WDR27: variants seen among roughly 807,000 people sequenced by gnomAD.
The protein encoded by WDR27 is WD repeat domain 27.
WDR27 carries 100 observed loss-of-function variants against 114.4 expected under a neutral mutation model. The ratio of observed to expected loss-of-function variants is 0.87; its 90% CI spans 0.74 to 1.03. WDR27 has a LOEUF of 1.03. WDR27 is among the 50% of genes least tolerant of loss of function. The pLI, the probability that WDR27 is intolerant of heterozygous loss-of-function variation, is 0.00. For synonymous variants in WDR27, 449 were observed against 423.1 expected, an observed-to-expected ratio of 1.06 and a Z score of -0.75; for missense variants, 1,129 against 1,092.9, an observed-to-expected ratio of 1.03 and a Z score of -0.47.
At chr6:169,581,998 G>C (rs1409301254) in intron 24 of WDR27, among the ~76,000 whole-genome samples, 1 of 149,452 alleles carries the variant, frequency 6.7e-6, no homozygotes, top group Admixed American at 6.6e-5. Flanking sequence ...TTTTGAGACA[G>C]AGTCTCATTT....
At chr6:169,477,403 T>C (rs1292212260) in intron 25 of WDR27, among the ~76,000 whole-genome samples, 1 of 152,214 alleles carries the variant, frequency 6.6e-6, no homozygotes, top group African/African-American at 2.4e-5. Flanking sequence ...ATTGCACAGC[T>C]GCTTGGAAAA....
intron 25 of WDR27, among the ~76,000 whole-genome samples, chr6:169,528,264 AAG>A (rs1310952514): frequency 6.6e-6 from 1 of 152,228 alleles, no homozygotes; most frequent in Non-Finnish European, 1.5e-5. Context: ...TTACTGAAAA[AAG>A]AGTATTTCAA....
At chr6:169,460,120 G>C (rs1163599948) in intron 25 of WDR27, among the ~76,000 whole-genome samples, 1 of 152,082 alleles carries the variant, frequency 6.6e-6, no homozygotes, top group Non-Finnish European at 1.5e-5. Context: ...CATGATTTAA[G>C]AGACTAAAAC....
chr6:169,642,309 C>T (rs527901973), intron 17 of WDR27, among the ~76,000 whole-genome samples: 1 of 151,846 alleles, frequency 6.6e-6, no homozygotes, highest in Non-Finnish European at 1.5e-5. Flanking sequence ...CCTTCCCCCC[C>T]GCCCACAGAA....
rs140207949 is a variant in WDR27, at chr6:169,584,678, T to A, written c.2425-1744A>T. 8.4e-4 allele frequency among the ~76,000 whole-genome samples: 128 copies of A among 152,348 alleles called. 1 individual carries two copies. Among genetic ancestry groups the A allele is most frequent in the African/African-American group, 3.0e-3 (124 of 41,586 alleles). On this transcript the variant is annotated intron_variant, in intron 23 of 25. Coordinates refer to ENST00000448612, the MANE Select transcript of WDR27 (RefSeq NM_182552.5). ...TAGTGATGTGGAGCACCTTTTCGTA[T>A]AGCTTTTTGGCCATTTTTATATTGT...
intron 25 of WDR27, among the ~76,000 whole-genome samples, chr6:169,509,208 C>G (rs149503027): frequency 1.3e-5 from 2 of 152,214 alleles, no homozygotes; most frequent in Non-Finnish European, 2.9e-5. Flanking sequence ...CACTGCCCAA[C>G]GTAATTTATA....
rs1371709591 is a variant in WDR27 at position 169,465,206 on chromosome 6, C to G, written c.2646-7572G>C. On this transcript the variant is annotated intron_variant, in intron 25 of 25. Coordinates refer to ENST00000448612, the MANE Select transcript of WDR27 (RefSeq NM_182552.5). ...CTGGGAGGTGGAGATTGTGGTGAGC[C>G]GAGATTGCACCATTGCACTCCAGCC... Among the ~76,000 whole-genome samples, 3 of 142,824 alleles carry G rather than the reference C, an allele frequency of 2.1e-5. No homozygotes were observed. In the East Asian group the frequency reaches 6.2e-4, roughly 29 times the overall value. 93.7% of individuals were successfully genotyped at this position (142,824 alleles called of 152,430 possible). A position where few individuals can be genotyped will look rare whatever the true frequency, so the allele number is the denominator to read the frequency against.
At chr6:169,682,564 T>G (rs1310354218) in intron 2 of WDR27, among the ~76,000 whole-genome samples, 1 of 152,150 alleles carries the variant, frequency 6.6e-6, no homozygotes, top group Admixed American at 6.5e-5. Context: ...CAACAGTCAG[T>G]CTATGTAGAA....
In WDR27 at chr6:169,550,370, C is replaced by T. The variant is rs552264718; in HGVS notation, c.2645+22049G>A. On this transcript the variant is annotated intron_variant, in intron 25 of 25. Transcript: ENST00000448612. ...ACTGGGCCCACAGATCCAGTTAATG[C>T]TTGTGTGTCATTCTGAGTTATTTTT... is the stretch of plus-strand genomic sequence containing the variant. 3.3e-5 allele frequency among the ~76,000 whole-genome samples: 5 copies of T among 152,188 alleles called. No homozygotes were observed. In the South Asian group the frequency reaches 6.2e-4, roughly 19 times the overall value.
At chr6:169,667,243 C>A in intron 5 of WDR27, 56 bp from the exon 6 acceptor site, 1 of 1,432,854 alleles carries the variant, frequency 7.0e-7, no homozygotes, top group South Asian at 1.7e-5. Flanking sequence ...ATTATTGCAA[C>A]AGGTGAAGCT....
In WDR27 at chr6:169,612,288, G is replaced by A. The variant is rs534625714; in HGVS notation, c.2321+1271C>T. On this transcript the variant is annotated intron_variant, in intron 22 of 25. Transcript: ENST00000448612. ...TAAAAAATTAGCTGGGCGTGGTGGC[G>A]GGCACCTGTAATCCCAGCTACTCGG... Among the ~76,000 whole-genome samples the A allele has an allele frequency of 2.2e-4, 34 of 151,958 alleles. 1 individual carries two copies. In the Middle Eastern group the frequency reaches 0.014, roughly 61 times the overall value.
chr6:169,613,884 T>A (rs1329237409), intron 21 of WDR27, among the ~76,000 whole-genome samples: 1 of 152,224 alleles, frequency 6.6e-6, no homozygotes, highest in African/African-American at 2.4e-5. Flanking sequence ...TTATGTGTAA[T>A]GCCACTGAGA....
chr6:169,687,080 GAAAATTACAGTTAAT>G (rs1412288375), intron 2 of WDR27, among the ~76,000 whole-genome samples: 2 of 151,932 alleles, frequency 1.3e-5, no homozygotes, highest in African/African-American at 4.8e-5. Flanking sequence ...AGTACAGTAG[GAAAATTACAGTTAAT>G]AATAACTTAT....
At chr6:169,579,716 C>T (rs563869829) in intron 24 of WDR27, among the ~76,000 whole-genome samples, 3 of 152,188 alleles carry the variant, frequency 2.0e-5, no homozygotes, top group Non-Finnish European at 4.4e-5. Flanking sequence ...TAGCCCACCC[C>T]TTATGTAGCA....
At chr6:169,431,611 G>C in the WDR27 span, among the ~76,000 whole-genome samples, 1 of 152,084 alleles carries the variant, frequency 6.6e-6, no homozygotes, top group Non-Finnish European at 1.5e-5. Context: ...CATCCTTCCT[G>C]ATGAGTATGT....
intron 25 of WDR27, among the ~76,000 whole-genome samples, chr6:169,481,785 C>T (rs780218600): frequency 1.3e-4 from 20 of 152,148 alleles, no homozygotes; most frequent in Non-Finnish European, 2.6e-4. Context: ...TAACACTCAC[C>T]GCAAAGGTCT....
At chr6:169,592,993 T>C (rs1332186438) in intron 23 of WDR27, among the ~76,000 whole-genome samples, 3 of 152,244 alleles carry the variant, frequency 2.0e-5, no homozygotes, top group African/African-American at 7.2e-5. Context: ...CATGCTTGCA[T>C]TCTACGCATA....
At chr6:169,677,681 C>T (rs950407754) in intron 2 of WDR27, among the ~76,000 whole-genome samples, 3 of 152,236 alleles carry the variant, frequency 2.0e-5, no homozygotes, top group African/African-American at 7.2e-5. Flanking sequence ...CCAAGACATT[C>T]CAGATATCTC....
intron 25 of WDR27, among the ~76,000 whole-genome samples, chr6:169,519,216 G>A (rs1233743681): frequency 6.6e-6 from 1 of 152,088 alleles, no homozygotes; most frequent in Non-Finnish European, 1.5e-5. Context: ...ACTCTTCCAA[G>A]CTCTGCCTGT....
Sources: allele counts gnomAD v4.1 joint callset (sites outside exome capture counted in the v4.1 genomes callset), GRCh38; gene constraint gnomAD v4.1.1; transcripts MANE v1.5; gene names NCBI Gene and HGNC (gene_info 2026-07-23, HGNC 2026-07-21).